The following SNTG2 variants were observed in gnomAD, a reference collection of about 807,000 sequenced individuals.
SNTG2 encodes the protein gamma-2-syntrophin.
Under a neutral mutation model 70.9 loss-of-function variants are expected in SNTG2, and 74 were observed. The ratio of observed to expected loss-of-function variants is 1.04; its 90% CI spans 0.86 to 1.27. SNTG2 has a LOEUF of 1.27. Among genes scored for constraint, SNTG2 ranks in the 50% most tolerant of loss-of-function variants. SNTG2 has a pLI of 0.00. For missense variants in SNTG2, 717 were observed against 690.7 expected (o/e 1.04, Z -0.43); for synonymous variants, 278 against 273.8 (o/e 1.02, Z -0.15).
intron 11 of SNTG2, among the ~76,000 whole-genome samples, chr2:1,245,547 T>C (rs1172621743): frequency 6.6e-6 from 1 of 152,232 alleles, no homozygotes; most frequent in African/African-American, 2.4e-5. Context: ...TGAGCTGGAA[T>C]TAATCACGCA....
intron 1 of SNTG2, among the ~76,000 whole-genome samples, chr2:1,023,042 A>C (rs919460441): frequency 6.6e-6 from 1 of 152,234 alleles, no homozygotes; most frequent in Non-Finnish European, 1.5e-5. Flanking sequence ...CTGAGCTGCT[A>C]CAAGTGGGAG....
intron 6 of SNTG2, 78 bp from the exon 7 acceptor site, chr2:1,165,470 G>T: frequency 7.6e-7 from 1 of 1,312,894 alleles, no homozygotes; most frequent in Non-Finnish European, 1.1e-6. Flanking sequence ...AACAGGAGAG[G>T]TAGAGAGATT....
chr2:1,080,504 TTG>T (rs1664213410), intron 1 of SNTG2, among the ~76,000 whole-genome samples: 1 of 151,874 alleles, frequency 6.6e-6, no homozygotes, highest in African/African-American at 2.4e-5. Flanking sequence ...GTGCATGCAT[TTG>T]TGTGTGTCTG....
chr2:1,216,918 C>T (rs1674432579), intron 9 of SNTG2, among the ~76,000 whole-genome samples: 1 of 152,068 alleles, frequency 6.6e-6, no homozygotes, highest in Non-Finnish European at 1.5e-5. Context: ...CTTTCCCTTT[C>T]ACTCCTCACT....
rs1040689632 is a variant in SNTG2 at position 1,052,278 on chromosome 2, G to C, written c.73-31240G>C. Among the ~76,000 whole-genome samples, 14 of 152,008 alleles carry C rather than the reference G, an allele frequency of 9.2e-5. 1 individual carries two copies. The highest frequency in any genetic ancestry group is 4.4e-5 in the Non-Finnish European group (3 of 68,008). ...CTTTGTGAAATAATTTTAATACTAA[G>C]TTCAACTTTTAAGTTACGTACAGGA... On this transcript the variant is annotated intron_variant, in intron 1 of 16. Coordinates refer to ENST00000308624, the MANE Select transcript of SNTG2 (RefSeq NM_018968.4).
intron 1 of SNTG2, among the ~76,000 whole-genome samples, chr2:1,061,408 G>T (rs539809057): frequency 6.6e-6 from 1 of 152,342 alleles, no homozygotes; most frequent in Non-Finnish European, 1.5e-5. Context: ...GATTGCCTTT[G>T]TTCCAGACAA....
At chr2:1,255,820 G>GTA (rs34364320) in intron 12 of SNTG2, among the ~76,000 whole-genome samples, 10 of 59,620 alleles carry the variant, frequency 1.7e-4, no homozygotes, top group Non-Finnish European at 2.3e-4. Flanking sequence ...AAAGTTGTAT[G>GTA]TATATATATA....
intron 1 of SNTG2, among the ~76,000 whole-genome samples, chr2:1,045,857 T>C (rs1376624798): frequency 1.3e-5 from 2 of 152,210 alleles, no homozygotes; most frequent in African/African-American, 4.8e-5. Context: ...TCTTGTTGTG[T>C]GAAGTGTTCT....
chr2:1,224,138 T>G (rs76432795), intron 9 of SNTG2, among the ~76,000 whole-genome samples: 1 of 152,082 alleles, frequency 6.6e-6, no homozygotes, highest in African/African-American at 2.4e-5. Flanking sequence ...GGCTGCACCC[T>G]CAGGACCTCA....
At chr2:1,069,137 C>G (rs760164342) in intron 1 of SNTG2, among the ~76,000 whole-genome samples, 4 of 152,086 alleles carry the variant, frequency 2.6e-5, no homozygotes, top group Non-Finnish European at 4.4e-5. Flanking sequence ...TCATAAACAA[C>G]AAGTCTATGT....
rs1387269088 is a variant in SNTG2, at chr2:988,677, C to G, written c.72+37609C>G. On this transcript the variant is annotated intron_variant, in intron 1 of 16. Coordinates refer to ENST00000308624, the MANE Select transcript of SNTG2 (RefSeq NM_018968.4). ...TTTCCATTGCTCTTGGGTTAAGCTCCCAGGAGTGTGCCTGCTGGTCATTTT... is the reference window on the plus strand; with the variant it reads ...TTTCCATTGCTCTTGGGTTAAGCTCGCAGGAGTGTGCCTGCTGGTCATTTT... Among the ~76,000 whole-genome samples, 3 of 152,006 alleles carry G rather than the reference C, an allele frequency of 2.0e-5. No homozygotes were observed. The East Asian group carries it at 5.8e-4, about 29-fold the overall frequency.
At chr2:1,001,332 C>G (rs1450495264) in intron 1 of SNTG2, among the ~76,000 whole-genome samples, 29 of 152,050 alleles carry the variant, frequency 1.9e-4, no homozygotes, top group Non-Finnish European at 5.9e-5. Context: ...CAAATTATCT[C>G]TGTTTGCTGA....
At chr2:1,208,583 C>A (rs534487919) in intron 8 of SNTG2, among the ~76,000 whole-genome samples, 10 of 152,228 alleles carry the variant, frequency 6.6e-5, no homozygotes, top group Admixed American at 2.6e-4. Context: ...GGCTTCCTGT[C>A]GAGAGCCGCA....
chr2:973,106 A>AATTCTTAT (rs1173480201), intron 1 of SNTG2, among the ~76,000 whole-genome samples: 1 of 152,186 alleles, frequency 6.6e-6, no homozygotes, highest in Non-Finnish European at 1.5e-5. Flanking sequence ...AATGATCAGT[A>AATTCTTAT]ATTCTTATAG....
At chr2:1,009,792 C>T (rs1238356642) in intron 1 of SNTG2, among the ~76,000 whole-genome samples, 2 of 152,222 alleles carry the variant, frequency 1.3e-5, no homozygotes, top group Non-Finnish European at 2.9e-5. Flanking sequence ...GAATTCTCTC[C>T]TCATTTTCCC....
At chr2:1,350,880 G>C (rs576633233) in intron 16 of SNTG2, among the ~76,000 whole-genome samples, 1 of 152,000 alleles carries the variant, frequency 6.6e-6, no homozygotes, top group Non-Finnish European at 1.5e-5. Context: ...GACTTGAATT[G>C]ATGCCTGATT....
chr2:983,102 C>G (rs1390810436), intron 1 of SNTG2, among the ~76,000 whole-genome samples: 4 of 149,782 alleles, frequency 2.7e-5, no homozygotes, highest in African/African-American at 1.0e-4. Context: ...AGCAGAGGCT[C>G]TCTTCTGTAG....
At chr2:1,306,685 A>AGT (rs34835668) in intron 14 of SNTG2, among the ~76,000 whole-genome samples, 50,071 of 148,976 alleles carry the variant, frequency 0.34, 8,788 homozygotes, top group East Asian at 0.59. Flanking sequence ...CCAGGGTGTG[A>AGT]GTGTGTGTGT....
chr2:1,213,495 A>T (rs1414910525), intron 9 of SNTG2, among the ~76,000 whole-genome samples: 2 of 152,240 alleles, frequency 1.3e-5, no homozygotes, highest in Non-Finnish European at 2.9e-5. Context: ...ACATTTAAGA[A>T]AGATTAATAA....
Sources: gnomAD v4.1 joint callset for allele counts (sites outside exome capture counted in the v4.1 genomes callset) on GRCh38, gnomAD v4.1.1 for gene constraint, MANE v1.5 for transcripts, NCBI Gene and HGNC (gene_info 2026-07-23, HGNC 2026-07-21) for gene names.